The following CACNA2D1 variants were observed in gnomAD, a reference collection of about 807,000 sequenced individuals.
CACNA2D1 encodes calcium voltage-gated channel auxiliary subunit alpha2delta 1.
A neutral mutation model predicts 171.5 loss-of-function variants in CACNA2D1; 53 were observed. The observed-to-expected ratio is 0.31, with a 90% CI of 0.25 to 0.39. CACNA2D1 has a LOEUF of 0.39. Among genes scored for constraint, CACNA2D1 ranks in the 10% least tolerant of loss-of-function variants. The pLI is 1.00. For synonymous variants in CACNA2D1, 442 were observed against 443.1 expected, an observed-to-expected ratio of 1.00 and a Z score of 0.03; for missense variants, 903 against 1,299.8, an observed-to-expected ratio of 0.69 and a Z score of 4.69.
chr7:82,339,836 G>A (rs981366345), intron 2 of CACNA2D1, among the ~76,000 whole-genome samples: 5 of 152,124 alleles, frequency 3.3e-5, no homozygotes, highest in Non-Finnish European at 7.3e-5. Flanking sequence ...TTAATATGTT[G>A]TTACATAGCA....
intron 3 of CACNA2D1, among the ~76,000 whole-genome samples, chr7:82,296,774 T>C (rs1215985024): frequency 6.6e-6 from 1 of 152,102 alleles, no homozygotes; most frequent in African/African-American, 2.4e-5. Flanking sequence ...ATATGAATTT[T>C]TGCCACTCCA....
At chr7:81,958,383 G>T (rs1441389005) in intron 38 of CACNA2D1, among the ~76,000 whole-genome samples, 1 of 152,040 alleles carries the variant, frequency 6.6e-6, no homozygotes, top group Non-Finnish European at 1.5e-5. Flanking sequence ...TACAAGTTTG[G>T]ATATTCATTG....
intron 1 of CACNA2D1, among the ~76,000 whole-genome samples, chr7:82,356,883 A>T (rs1820488031): frequency 6.6e-6 from 1 of 152,132 alleles, no homozygotes; most frequent in Admixed American, 6.6e-5. Flanking sequence ...ATTAATTGTC[A>T]TAGAAAAAAA....
chr7:81,981,507 G>C (rs1796443623), intron 24 of CACNA2D1, among the ~76,000 whole-genome samples: 2 of 152,100 alleles, frequency 1.3e-5, no homozygotes, highest in Admixed American at 6.6e-5. Context: ...ATATCCTTTT[G>C]CAAGAATTAA....
chr7:82,060,543 T>C lies in CACNA2D1; in HGVS notation c.780-16A>G. 2 of 1,454,282 alleles carry C rather than the reference T, an allele frequency of 1.4e-6. No individual in the cohort carries two copies. Among genetic ancestry groups the C allele is most frequent in the East Asian group, 2.3e-5 (1 of 43,844 alleles). 90.1% of individuals were successfully genotyped at this position (1,454,282 alleles called of 1,614,324 possible). A position where few individuals can be genotyped will look rare whatever the true frequency, so the allele number is the denominator to read the frequency against. The stretch of plus-strand genomic sequence containing the variant: ...ACTTCCACTCCTAGAAATAGACAAA[T>C]GGGTCCATACATGTTACTCATCATG... On this transcript the variant is annotated splice_polypyrimidine_tract_variant and intron_variant, in intron 9 of 38. Coordinates refer to ENST00000356860, the MANE Select transcript of CACNA2D1 (RefSeq NM_000722.4).
At chr7:82,003,748 T>A (rs2130854954) in intron 18 of CACNA2D1, among the ~76,000 whole-genome samples, 1 of 150,152 alleles carries the variant, frequency 6.7e-6, no homozygotes, top group Admixed American at 6.6e-5. Context: ...ACATTACTTT[T>A]TTTTTTTTTT....
intron 3 of CACNA2D1, among the ~76,000 whole-genome samples, chr7:82,331,102 T>A (rs1037161595): frequency 3.3e-5 from 5 of 152,120 alleles, no homozygotes; most frequent in Non-Finnish European, 7.4e-5. Flanking sequence ...ATTAGATATA[T>A]TTCCTTGGGC....
intron 3 of CACNA2D1, among the ~76,000 whole-genome samples, chr7:82,302,167 C>T (rs1585404183): frequency 6.6e-6 from 1 of 152,036 alleles, no homozygotes; most frequent in African/African-American, 2.4e-5. Context: ...TAACTGTACC[C>T]CTTATTAGAG....
chr7:82,257,245 C>T (rs1806409319), intron 3 of CACNA2D1, among the ~76,000 whole-genome samples: 1 of 152,162 alleles, frequency 6.6e-6, no homozygotes, highest in Non-Finnish European at 1.5e-5. Context: ...GCTGAGCAAA[C>T]CAGCTCTAGT....
In CACNA2D1 at chr7:82,084,761, G is replaced by T; in HGVS notation, c.658+8C>A. 2 of 1,613,838 alleles carry T rather than the reference G, an allele frequency of 1.2e-6. No individual in the cohort carries two copies. Among genetic ancestry groups the T allele is most frequent in the Non-Finnish European group, 1.7e-6 (2 of 1,179,772 alleles). ...AACTTGACAATGATTGAATCACTAA[G>T]CACCTACCTGGATAATATCGAGCTA... On this transcript the variant is annotated splice_region_variant and intron_variant, in intron 7 of 38. Transcript: ENST00000356860.
chr7:82,378,249 A>C (rs183539476), intron 1 of CACNA2D1, among the ~76,000 whole-genome samples: 2 of 152,140 alleles, frequency 1.3e-5, no homozygotes, highest in East Asian at 3.9e-4. Context: ...AATGTTTTTA[A>C]TTAGCTGGGC....
chr7:82,385,647 GTTGTT>G (rs36232215), intron 1 of CACNA2D1, among the ~76,000 whole-genome samples: 15,915 of 145,980 alleles, frequency 0.11, 891 homozygotes, highest in East Asian at 0.2. Flanking sequence ...GGGTTTTTTG[GTTGTT>G]TTGTTTTGTT....
At chr7:82,206,553 A>T (rs1036164584) in intron 3 of CACNA2D1, among the ~76,000 whole-genome samples, 4 of 152,152 alleles carry the variant, frequency 2.6e-5, no homozygotes, top group African/African-American at 9.7e-5. Flanking sequence ...ATAAAATATT[A>T]AAAATATGCC....
At chr7:82,326,182 T>C (rs1280038742) in intron 3 of CACNA2D1, among the ~76,000 whole-genome samples, 1 of 152,216 alleles carries the variant, frequency 6.6e-6, no homozygotes, top group Non-Finnish European at 1.5e-5. Flanking sequence ...TACGTATAGC[T>C]CACATTTATT....
chr7:81,950,235 G>A lies in CACNA2D1; in HGVS notation c.*157C>T. 7.7e-7 allele frequency: 1 copy of A among 1,297,708 alleles called. No homozygotes were observed. The highest frequency in any genetic ancestry group is 1.1e-6 in the Non-Finnish European group (1 of 929,010). The allele number at this position is 1,297,708 out of a possible 1,614,324, so 80.4% of individuals were successfully genotyped here. On this transcript the variant is annotated 3_prime_UTR_variant, in exon 39 of 39. Transcript: ENST00000356860. ...TGACACCCTGACATGCAGCCAGTGG[G>A]TGCCTTAGGAGTCTGCGCCTTAGTG...
chr7:82,186,083 G>C (rs967673022), intron 3 of CACNA2D1, among the ~76,000 whole-genome samples: 2 of 151,804 alleles, frequency 1.3e-5, no homozygotes, highest in Admixed American at 6.6e-5. Context: ...TTGAACCCGG[G>C]AGGTGGAGGC....
intron 3 of CACNA2D1, among the ~76,000 whole-genome samples, chr7:82,268,186 C>T (rs1034169882): frequency 3.9e-5 from 6 of 151,962 alleles, no homozygotes; most frequent in South Asian, 4.2e-4. Flanking sequence ...AAAGTATTTG[C>T]GAAATATTAA....
intron 1 of CACNA2D1, among the ~76,000 whole-genome samples, chr7:82,356,028 C>A (rs1025201025): frequency 6.6e-6 from 1 of 152,050 alleles, no homozygotes; most frequent in Non-Finnish European, 1.5e-5. Context: ...AGGGTCCATA[C>A]CATCTTATCC....
intron 5 of CACNA2D1, among the ~76,000 whole-genome samples, chr7:82,120,207 G>A (rs1789554216): frequency 6.6e-6 from 1 of 152,102 alleles, no homozygotes; most frequent in Non-Finnish European, 1.5e-5. Flanking sequence ...GTGTGTGTGT[G>A]TGCATGTGTG....
Sources: allele counts gnomAD v4.1 joint callset (sites outside exome capture counted in the v4.1 genomes callset), GRCh38; gene constraint gnomAD v4.1.1; transcripts MANE v1.5; gene names NCBI Gene and HGNC (gene_info 2026-07-23, HGNC 2026-07-21).